Variants in PHEX observed in about 807,000 individuals in gnomAD.
PHEX encodes the protein phosphate-regulating neutral endopeptidase PHEX.
In PHEX, 16 loss-of-function variants were observed where a neutral mutation model predicts 68.0. The observed-to-expected ratio is 0.24, with a 90% CI of 0.16 to 0.36. The LOEUF is 0.36. PHEX is among the 10% of genes least tolerant of loss of function. The pLI, the probability that PHEX is intolerant of heterozygous loss-of-function variation, is 1.00. For missense variants in PHEX, 480 were observed against 575.5 expected (o/e 0.83, Z 1.70); for synonymous variants, 208 against 205.1 (o/e 1.01, Z -0.12).
chrX:22,092,749 C>CTTTTTTTTTTTTTTTTTT (rs370527485), intron 6 of PHEX, among the ~76,000 whole-genome samples: 3 of 77,952 alleles, frequency 3.8e-5, no homozygotes, highest in Non-Finnish European at 4.7e-5. Flanking sequence ...TTCTTTCTTT[C>CTTTTTTTTTTTTTTTTTT]TTTTTTTTTT....
intron 11 of PHEX, among the ~76,000 whole-genome samples, chrX:22,123,277 C>T (rs1453506167): frequency 9.0e-6 from 1 of 110,611 alleles, no homozygotes; most frequent in African/African-American, 3.3e-5. Context: ...GTGTGAGCCA[C>T]CTGTAACTCT....
In PHEX at chrX:22,118,339, C is replaced by CAAAA. The variant is rs1157170753; in HGVS notation, c.1302+3776_1302+3779dup. Among the ~76,000 whole-genome samples the CAAAA allele has an allele frequency of 2.8e-4, 6 of 21,117 alleles. 1 individual carries two copies. The highest frequency in any genetic ancestry group is 1.9e-3 in the East Asian group (1 of 523). The allele number at this position is 21,117 out of a possible 115,157, so 18.3% of individuals were successfully genotyped here. On this transcript the variant is annotated intron_variant, in intron 11 of 21. Transcript: ENST00000379374. ...TGATTCATTTGTTTGTAAACAGCAC[C>CAAAA]AAAAAAAAAAAAAAAAAAAAAAAAA...
chrX:22,057,819 G>A (rs779167063), intron 3 of PHEX, among the ~76,000 whole-genome samples: 179 of 111,547 alleles, frequency 1.6e-3, no homozygotes, highest in African/African-American at 5.3e-3. Context: ...TGCCATAGGA[G>A]GTGCTCAGTA....
rs1028557309 is a variant in PHEX at position 22,032,530 on chromosome X, G to C, written c.-476G>C. 8.0e-6 allele frequency: 1 copy of C among 124,459 alleles called. No homozygotes were observed. Among genetic ancestry groups the C allele is most frequent in the Non-Finnish European group, 1.7e-5 (1 of 60,591 alleles). 10.3% of individuals were successfully genotyped at this position (124,459 alleles called of 1,213,427 possible). On this transcript the variant is annotated 5_prime_UTR_variant, in exon 1 of 22. Transcript: ENST00000379374. ...GCAACAGAATTACATGATTAATTGA[G>C]ATCTTGAAGTGGGTCCGGTGAATCC...
At chrX:22,086,116 C>T (rs143815641) in intron 5 of PHEX, among the ~76,000 whole-genome samples, 174 of 111,876 alleles carry the variant, frequency 1.6e-3, no homozygotes, top group African/African-American at 5.4e-3. Flanking sequence ...CAGAGCACTC[C>T]CAGTCCAGAT....
chrX:22,147,946 C>T (rs1472082621), intron 12 of PHEX, among the ~76,000 whole-genome samples: 4 of 108,097 alleles, frequency 3.7e-5, no homozygotes, highest in Non-Finnish European at 3.8e-5. Flanking sequence ...GTGAAAGGCC[C>T]GAGGAACAGA....
intron 9 of PHEX, among the ~76,000 whole-genome samples, chrX:22,109,623 T>C (rs772125307): frequency 1.8e-5 from 2 of 111,470 alleles, no homozygotes; most frequent in South Asian, 3.8e-4. Context: ...TCTCATGTGA[T>C]TGGCTCACCA....
intron 20 of PHEX, among the ~76,000 whole-genome samples, chrX:22,241,536 A>G (rs988205680): frequency 2.7e-5 from 3 of 111,816 alleles, no homozygotes; most frequent in African/African-American, 9.8e-5. Context: ...CCAGACTAAT[A>G]AAGAATAAAA....
chrX:22,063,379 C>A (rs1335806933), intron 3 of PHEX, among the ~76,000 whole-genome samples: 1 of 112,441 alleles, frequency 8.9e-6, no homozygotes, highest in Admixed American at 9.4e-5. Context: ...AAAGTAAATT[C>A]AGACATAAAA....
chrX:22,113,943 C>CTTTTTTTTTTTTTTTTTTTTTT (rs746349559), intron 10 of PHEX, among the ~76,000 whole-genome samples: 1 of 63,995 alleles, frequency 1.6e-5, no homozygotes, highest in Non-Finnish European at 2.9e-5. Context: ...TCTTCTTCTT[C>CTTTTTTTTTTTTTTTTTTTTTT]TTTTTTTTTT....
At chrX:22,137,941 G>C (rs138142902) in intron 12 of PHEX, among the ~76,000 whole-genome samples, 1,597 of 112,066 alleles carry the variant, frequency 0.014, 14 homozygotes, top group Non-Finnish European at 0.023. Flanking sequence ...TCACCCAACA[G>C]TTGATGGGAG....
intron 20 of PHEX, among the ~76,000 whole-genome samples, chrX:22,234,636 A>G (rs1162631833): frequency 9.1e-6 from 1 of 110,208 alleles, no homozygotes; most frequent in East Asian, 2.9e-4. Flanking sequence ...CAAGTGTCCC[A>G]GGTCAATCTC....
At chrX:22,033,144 C>A in intron 1 of PHEX, 21 bp downstream of exon 1, 1 of 1,065,359 alleles carries the variant, frequency 9.4e-7, no homozygotes, top group Non-Finnish European at 1.3e-6. Context: ...TGCAGGAGGC[C>A]GGGGGAACTG....
rs758526829 is a variant in PHEX at position 22,038,147 on chromosome X, G to A, written c.119-322G>A. Among the ~76,000 whole-genome samples, 6 of 110,578 alleles carry A rather than the reference G, an allele frequency of 5.4e-5. No homozygotes were observed. The East Asian group carries it at 1.4e-3, about 26-fold the overall frequency. On this transcript the variant is annotated intron_variant, in intron 1 of 21. Coordinates refer to ENST00000379374, the MANE Select transcript of PHEX (RefSeq NM_000444.6). ...GGTTTCTGAGTCAAGATCTTGGAGTGGCTTTCTAACAAGCTTCCAGGTGCA... is the reference window on the plus strand; with the variant it reads ...GGTTTCTGAGTCAAGATCTTGGAGTAGCTTTCTAACAAGCTTCCAGGTGCA...
intron 18 of PHEX, among the ~76,000 whole-genome samples, chrX:22,224,993 G>GATTTATTC: frequency 1.0e-5 from 1 of 99,033 alleles, no homozygotes. Context: ...AGCTCTGTAT[G>GATTTATTC]TCAGAAGTCT....
intron 1 of PHEX, among the ~76,000 whole-genome samples, chrX:22,033,815 G>T (rs944226415): frequency 1.8e-5 from 2 of 111,997 alleles, no homozygotes; most frequent in East Asian, 5.6e-4. Flanking sequence ...CAAATATCTT[G>T]GAAAGGAGTG....
chrX:22,190,594 TC>T lies in PHEX; in HGVS notation c.1645+97del. ...GATGGAGGGTAAGACATTTCTTATT[TC>T]CCCCAAAAGTGGCAGGGTATGCTGG... On this transcript the variant is annotated intron_variant, in intron 15 of 21. Transcript: ENST00000379374. The T allele has an allele frequency of 9.1e-6, 6 of 658,704 alleles. No individual in the cohort carries two copies. In the South Asian group the frequency reaches 1.1e-4, roughly 12 times the overall value. The allele number at this position is 658,704 out of a possible 1,213,427, so 54.3% of individuals were successfully genotyped here.
At chrX:22,106,029 G>A (rs1270859724) in intron 9 of PHEX, among the ~76,000 whole-genome samples, 1 of 111,367 alleles carries the variant, frequency 9.0e-6, no homozygotes, top group Non-Finnish European at 1.9e-5. Context: ...GCCTTTCTCT[G>A]TTTGATTTAT....
intron 20 of PHEX, among the ~76,000 whole-genome samples, chrX:22,236,308 T>C (rs946709122): frequency 1.8e-5 from 2 of 112,591 alleles, no homozygotes; most frequent in African/African-American, 6.5e-5. Context: ...TTCATTACCA[T>C]GCAGTTGAGT....
Sources: allele counts gnomAD v4.1 joint callset (sites outside exome capture counted in the v4.1 genomes callset), GRCh38; gene constraint gnomAD v4.1.1; transcripts MANE v1.5; gene names NCBI Gene and HGNC (gene_info 2026-07-23, HGNC 2026-07-21).